Variants in APCDD1 observed in about 807,000 individuals in gnomAD.
The protein encoded by APCDD1 is protein APCDD1.
A neutral mutation model predicts 38.1 loss-of-function variants in APCDD1; 15 were observed. The observed-to-expected ratio is 0.39, with a 90% CI of 0.26 to 0.61. The LOEUF is 0.61. Ranked by LOEUF, APCDD1 falls within the 20% of genes least tolerant of loss-of-function variation. APCDD1 has a pLI of 0.49. For missense variants in APCDD1, 647 were observed against 696.2 expected (o/e 0.93, Z 0.79); for synonymous variants, 261 against 279.7 (o/e 0.93, Z 0.67).
chr18:10,482,884 C>A (rs2031171450), intron 3 of APCDD1, among the ~76,000 whole-genome samples: 1 of 152,214 alleles, frequency 6.6e-6, no homozygotes, highest in Non-Finnish European at 1.5e-5. Context: ...AAAGGCAAAG[C>A]TACCGTACTC....
chr18:10,461,969 T>A (rs2030554242), intron 1 of APCDD1, among the ~76,000 whole-genome samples: 1 of 152,232 alleles, frequency 6.6e-6, no homozygotes, highest in South Asian at 2.1e-4. Context: ...TGTTACGTGT[T>A]CATTCCAATA....
chr18:10,487,067 T>G (rs2031264381), intron 4 of APCDD1, among the ~76,000 whole-genome samples: 1 of 152,366 alleles, frequency 6.6e-6, no homozygotes, highest in South Asian at 2.1e-4. Context: ...CACATTTTTC[T>G]TGCTTGCAGC....
intron 1 of APCDD1, among the ~76,000 whole-genome samples, chr18:10,457,155 G>A (rs1178413884): frequency 6.6e-6 from 1 of 152,196 alleles, no homozygotes; most frequent in East Asian, 1.9e-4. Flanking sequence ...TCAGACTCTA[G>A]TGCAGAAAAT....
chr18:10,466,533 G>A (rs2030718909), intron 1 of APCDD1, among the ~76,000 whole-genome samples: 1 of 152,198 alleles, frequency 6.6e-6, no homozygotes, highest in Non-Finnish European at 1.5e-5. Flanking sequence ...CAAAATGCAT[G>A]TGCTTTGTAA....
Position 10,472,393 on chromosome 18 carries a change from A to C in APCDD1, c.774+332A>C, listed in dbSNP as rs1189586618. The stretch of plus-strand genomic sequence containing the variant: ...TCCCATCCCAGGAACCTCTTCAGTG[A>C]TTCCAAGAGGACAGTGTGAAGGCGA... On this transcript the variant is annotated intron_variant, in intron 3 of 4. Transcript: ENST00000355285. This position sits in a 1 kb window ranked among gnomAD's most constrained non-coding sequence, Gnocchi z 6.6. 6.6e-6 allele frequency among the ~76,000 whole-genome samples: 1 copy of C among 152,196 alleles called. No individual in the cohort carries two copies. The highest frequency in any genetic ancestry group is 1.5e-5 in the Non-Finnish European group (1 of 68,040).
At chr18:10,468,277 A>G (rs931064327) in intron 1 of APCDD1, among the ~76,000 whole-genome samples, 192 bp from the exon 2 acceptor site, 4 of 152,214 alleles carry the variant, frequency 2.6e-5, no homozygotes, top group Non-Finnish European at 5.9e-5. Flanking sequence ...CTCACCAGGG[A>G]ATTGATCTAC....
intron 3 of APCDD1, among the ~76,000 whole-genome samples, chr18:10,474,873 AC>A: frequency 6.6e-6 from 1 of 152,208 alleles, no homozygotes; most frequent in African/African-American, 2.4e-5. Flanking sequence ...GCAATTAAAG[AC>A]AGCAATTGTA....
rs2030985271 is a variant in APCDD1 at position 10,475,835 on chromosome 18, T to C, written c.774+3774T>C. On this transcript the variant is annotated intron_variant, in intron 3 of 4. Coordinates refer to ENST00000355285, the MANE Select transcript of APCDD1 (RefSeq NM_153000.5). The surrounding 1 kb of genome is among the most constrained non-coding windows in gnomAD (Gnocchi z 4.0). ...TGGAAGGCCGAGTGGCTCTGGTAGC[T>C]GAAAGGGTCCATTCTTCTCTTGTCT... 1 of 150,868 alleles carries C rather than the reference T, an allele frequency of 6.6e-6. No individual in the cohort carries two copies. The highest frequency in any genetic ancestry group is 1.5e-5 in the Non-Finnish European group (1 of 68,096). The allele number at this position is 150,868 out of a possible 1,614,324, so 9.3% of individuals were successfully genotyped here.
intron 4 of APCDD1, among the ~76,000 whole-genome samples, 157 bp from the exon 5 acceptor site, chr18:10,487,433 T>C (rs1203826259): frequency 2.0e-5 from 3 of 152,208 alleles, no homozygotes; most frequent in Non-Finnish European, 4.4e-5. Context: ...GACAGTGCTT[T>C]GATGACTACT....
chr18:10,463,963 G>T (rs566051937), intron 1 of APCDD1, among the ~76,000 whole-genome samples: 2 of 152,344 alleles, frequency 1.3e-5, no homozygotes, highest in South Asian at 4.1e-4. Context: ...TGCACTGCCA[G>T]CCTCGCTGGG....
intron 1 of APCDD1, among the ~76,000 whole-genome samples, chr18:10,462,591 C>T (rs567562622): frequency 4.3e-4 from 10 of 23,190 alleles, no homozygotes; most frequent in East Asian, 9.5e-4. Context: ...CCTTCCCTCC[C>T]TCCTTCCTTC....
chr18:10,487,467 G>A (rs778925244), intron 4 of APCDD1, 123 bp from the exon 5 acceptor site: 4 of 950,208 alleles, frequency 4.2e-6, no homozygotes, highest in Non-Finnish European at 6.6e-6. Flanking sequence ...TGGGTCTGTA[G>A]GTGGGATTGT....
At chr18:10,483,229 T>C (rs1466839860) in intron 3 of APCDD1, among the ~76,000 whole-genome samples, 1 of 152,220 alleles carries the variant, frequency 6.6e-6, no homozygotes, top group Non-Finnish European at 1.5e-5. Flanking sequence ...CTAATGGGCC[T>C]CATGCAGGAG....
Position 10,488,873 on chromosome 18 carries a change from A to G in APCDD1, c.*835A>G, listed in dbSNP as rs905179818. 1 of 152,226 alleles carries G rather than the reference A, an allele frequency of 6.6e-6. No homozygotes were observed. The highest frequency in any genetic ancestry group is 1.5e-5 in the Non-Finnish European group (1 of 68,060). The allele number at this position is 152,226 out of a possible 1,614,324, so 9.4% of individuals were successfully genotyped here. ...GACACGGGTGGCTGCAGTGTGGTAC[A>G]TGCCACACAAATGATAGAGAAAGTG... is the stretch of plus-strand genomic sequence containing the variant. On this transcript the variant is annotated 3_prime_UTR_variant, in exon 5 of 5. Coordinates refer to ENST00000355285, the MANE Select transcript of APCDD1 (RefSeq NM_153000.5).
At position 10,469,649 on chromosome 18, in the gene APCDD1, A is replaced by G. The variant is rs2030803896; in HGVS notation, c.242+997A>G. On this transcript the variant is annotated intron_variant, in intron 2 of 4. Transcript: ENST00000355285. The surrounding 1 kb of genome is among the most constrained non-coding windows in gnomAD (Gnocchi z 5.5). Reference sequence around the variant, plus strand: ...TGAAAGTGGAGGGGTTGGGGCAGCAACAGGTGCTAAAAGAGAATACCAGGG... The same window carrying G: ...TGAAAGTGGAGGGGTTGGGGCAGCAGCAGGTGCTAAAAGAGAATACCAGGG... Among the ~76,000 whole-genome samples the G allele has an allele frequency of 6.6e-6, 1 of 152,216 alleles. No individual in the cohort carries two copies. Among genetic ancestry groups the G allele is most frequent in the Non-Finnish European group, 1.5e-5 (1 of 68,036 alleles).
intron 1 of APCDD1, among the ~76,000 whole-genome samples, chr18:10,456,939 G>C (rs2030396939): frequency 6.6e-6 from 1 of 152,214 alleles, no homozygotes; most frequent in Admixed American, 6.5e-5. Flanking sequence ...CAGACCGTGT[G>C]CGTGCTGGTA....
intron 1 of APCDD1, among the ~76,000 whole-genome samples, chr18:10,459,692 A>G (rs2030480690): frequency 6.6e-6 from 1 of 152,232 alleles, no homozygotes; most frequent in Non-Finnish European, 1.5e-5. Context: ...ACATGCTTTT[A>G]TTTCAAAAAA....
Position 10,467,345 on chromosome 18 carries a change from A to T in APCDD1, c.59-1124A>T, listed in dbSNP as rs1446123137. Among the ~76,000 whole-genome samples the T allele has an allele frequency of 6.6e-6, 1 of 152,134 alleles. No individual in the cohort carries two copies. The highest frequency in any genetic ancestry group is 1.5e-5 in the Non-Finnish European group (1 of 68,010). ...AGTAGCATTCAAACAGGTACATTTT[A>T]TTTATTTTGTATATTTAAAAAAAGT... On this transcript the variant is annotated intron_variant, in intron 1 of 4. Coordinates refer to ENST00000355285, the MANE Select transcript of APCDD1 (RefSeq NM_153000.5). The surrounding 1 kb of genome is among the most constrained non-coding windows in gnomAD (Gnocchi z 4.8).
At chr18:10,474,470 C>T (rs1189716686) in intron 3 of APCDD1, among the ~76,000 whole-genome samples, 2 of 152,206 alleles carry the variant, frequency 1.3e-5, no homozygotes, top group African/African-American at 4.8e-5. Context: ...AGTGAGGAGG[C>T]AGGTGCGGCT....
Sources: gnomAD v4.1 joint callset for allele counts (sites outside exome capture counted in the v4.1 genomes callset) on GRCh38, gnomAD v4.1.1 for gene constraint, Gnocchi (gnomAD v3.1) non-coding constraint, MANE v1.5 for transcripts, NCBI Gene and HGNC (gene_info 2026-07-23, HGNC 2026-07-21) for gene names.